RASEF: variants seen among roughly 807,000 people sequenced by gnomAD.
RASEF encodes RAS and EF-hand domain containing.
In RASEF, 68 loss-of-function variants were observed where a neutral mutation model predicts 90.1. The ratio of observed to expected loss-of-function variants is 0.75; its 90% CI spans 0.62 to 0.92. The LOEUF is 0.92. Ranked by LOEUF, RASEF falls within the 40% of genes least tolerant of loss-of-function variation. The probability of loss-of-function intolerance (pLI) is 0.00; values close to 1 mark genes in which losing one functional copy is unlikely to be tolerated. For synonymous variants in RASEF, 331 were observed against 345.2 expected (o/e 0.96, Z 0.46); for missense variants, 949 against 937.2 (o/e 1.01, Z -0.16).
chr9:83,141,074 C>T, the RASEF span, among the ~76,000 whole-genome samples: 2 of 145,316 alleles, frequency 1.4e-5, no homozygotes, highest in African/African-American at 2.6e-5. Flanking sequence ...ACCTGGGAGG[C>T]GGAGGCTGCA....
the RASEF span, among the ~76,000 whole-genome samples, chr9:83,176,226 T>C: frequency 6.6e-6 from 1 of 152,224 alleles, no homozygotes; most frequent in Non-Finnish European, 1.5e-5. Context: ...TCCTCATAGA[T>C]TGGCCCATTT....
the RASEF span, among the ~76,000 whole-genome samples, chr9:83,100,083 G>C: frequency 1.3e-5 from 2 of 152,318 alleles, no homozygotes; most frequent in South Asian, 4.1e-4. Context: ...TACTGTTGCT[G>C]TGTGTTTGCA....
chr9:83,064,954 G>A (rs752552493), upstream of RASEF, among the ~76,000 whole-genome samples: 1 of 152,142 alleles, frequency 6.6e-6, no homozygotes, highest in African/African-American at 2.4e-5. Flanking sequence ...TTTAGTCCCA[G>A]CTACTTGGAT....
chr9:83,170,727 T>G, the RASEF span, among the ~76,000 whole-genome samples: 259 of 152,070 alleles, frequency 1.7e-3, no homozygotes, highest in African/African-American at 6.0e-3. Flanking sequence ...TAGTTCACTA[T>G]TAGCTAGTAT....
At chr9:83,007,232 T>C (rs937973142) in intron 7 of RASEF, among the ~76,000 whole-genome samples, 5 of 152,306 alleles carry the variant, frequency 3.3e-5, no homozygotes, top group African/African-American at 1.2e-4. Context: ...TTATACTCTA[T>C]TCCCACATCT....
chr9:83,108,323 G>A, the RASEF span, among the ~76,000 whole-genome samples: 1 of 152,146 alleles, frequency 6.6e-6, no homozygotes, highest in Non-Finnish European at 1.5e-5. Flanking sequence ...GTACTTACTT[G>A]AGCACTTAAG....
At chr9:83,088,803 T>A in the RASEF span, among the ~76,000 whole-genome samples, 1 of 152,072 alleles carries the variant, frequency 6.6e-6, no homozygotes, top group African/African-American at 2.4e-5. Context: ...TTTAATTCAT[T>A]TATTGTCTTT....
the RASEF span, among the ~76,000 whole-genome samples, chr9:83,133,372 A>C: frequency 5.3e-5 from 8 of 152,204 alleles, no homozygotes; most frequent in Non-Finnish European, 1.0e-4. Context: ...TTCATTTTTA[A>C]AATCAAATAT....
chr9:83,066,893 G>A (rs954422540), upstream of RASEF, among the ~76,000 whole-genome samples: 2 of 152,140 alleles, frequency 1.3e-5, no homozygotes, highest in Non-Finnish European at 2.9e-5. Context: ...TTCAATTTCC[G>A]TGAGCTTTCC....
the RASEF span, among the ~76,000 whole-genome samples, chr9:83,132,418 A>G: frequency 1.3e-5 from 2 of 152,140 alleles, no homozygotes; most frequent in South Asian, 2.1e-4. Context: ...TCTCCTAACT[A>G]CAATGCTTGA....
chr9:83,030,224 G>T (rs1003953312), intron 1 of RASEF, among the ~76,000 whole-genome samples: 9 of 152,126 alleles, frequency 5.9e-5, no homozygotes, highest in African/African-American at 1.9e-4. Context: ...AGGCGTGGTG[G>T]TGGGCGCCTG....
the RASEF span, chr9:83,201,141 G>A: frequency 6.6e-6 from 1 of 152,372 alleles, no homozygotes; most frequent in East Asian, 1.9e-4. Flanking sequence ...TGTGGAAGAA[G>A]GACACCTGCC....
the RASEF span, among the ~76,000 whole-genome samples, chr9:83,133,987 A>T: frequency 6.6e-6 from 1 of 152,174 alleles, no homozygotes; most frequent in African/African-American, 2.4e-5. Flanking sequence ...TTATCTACTT[A>T]TCGAAGCAAA....
At chr9:83,021,920 A>G (rs977977709) in intron 3 of RASEF, among the ~76,000 whole-genome samples, 3 of 152,106 alleles carry the variant, frequency 2.0e-5, no homozygotes, top group African/African-American at 7.2e-5. Context: ...ATTTCACTCT[A>G]ATCTAGATTT....
the RASEF span, among the ~76,000 whole-genome samples, chr9:83,203,464 C>T: frequency 0.034 from 5,087 of 151,686 alleles, 281 homozygotes; most frequent in African/African-American, 0.12. Context: ...TTAGTAGAGA[C>T]GGGGTTTCAT....
the RASEF span, among the ~76,000 whole-genome samples, chr9:83,099,764 T>G: frequency 1.2e-4 from 19 of 152,200 alleles, no homozygotes; most frequent in Non-Finnish European, 2.2e-4. Context: ...ACAAAGATAT[T>G]TTGGGGGCAG....
chr9:83,134,449 C>T, the RASEF span, among the ~76,000 whole-genome samples: 615 of 139,328 alleles, frequency 4.4e-3, 6 homozygotes, highest in African/African-American at 0.014. Context: ...CACACACACA[C>T]ATATATATAT....
upstream of RASEF, among the ~76,000 whole-genome samples, chr9:83,064,797 T>G (rs2078111057): frequency 6.6e-6 from 1 of 152,236 alleles, no homozygotes; most frequent in Admixed American, 6.5e-5. Flanking sequence ...CCTGGCACAG[T>G]GGCTCATGCC....
rs73651025 is a variant in RASEF, at chr9:83,043,509, G to A, written c.432-17588C>T. Among the ~76,000 whole-genome samples, 409 of 152,236 alleles carry A rather than the reference G, an allele frequency of 2.7e-3. 1 individual carries two copies. Among genetic ancestry groups the A allele is most frequent in the African/African-American group, 8.7e-3 (361 of 41,530 alleles). Reference sequence around the variant, plus strand: ...AAACTCAGCAAGCTGTACACTTAACGTTCTGTGTGCTTTTTTTGCATGTGG... The same window carrying A: ...AAACTCAGCAAGCTGTACACTTAACATTCTGTGTGCTTTTTTTGCATGTGG... On this transcript the variant is annotated intron_variant, in intron 1 of 16. Coordinates refer to ENST00000376447, the MANE Select transcript of RASEF (RefSeq NM_152573.4).
Sources: gnomAD v4.1 joint callset for allele counts (sites outside exome capture counted in the v4.1 genomes callset) on GRCh38, gnomAD v4.1.1 for gene constraint, MANE v1.5 for transcripts, NCBI Gene and HGNC (gene_info 2026-07-23, HGNC 2026-07-21) for gene names.